The following UNC13C variants were observed in gnomAD, a reference collection of about 807,000 sequenced individuals.
The protein encoded by UNC13C is unc-13 homolog C.
In UNC13C, 174 loss-of-function variants were observed where a neutral mutation model predicts 245.4. The ratio of observed to expected loss-of-function variants is 0.71; its 90% CI spans 0.63 to 0.80. The LOEUF is 0.80. Ranked by LOEUF, UNC13C falls within the 30% of genes least tolerant of loss-of-function variation. UNC13C has a pLI of 0.00. For synonymous variants in UNC13C, 992 were observed against 895.1 expected (o/e 1.11, Z -1.93); for missense variants, 2,829 against 2,602.9 (o/e 1.09, Z -1.89).
intron 22 of UNC13C, among the ~76,000 whole-genome samples, chr15:54,504,663 C>T (rs920529696): frequency 6.6e-6 from 1 of 152,128 alleles, no homozygotes; most frequent in Non-Finnish European, 1.5e-5. Flanking sequence ...TTACATAAAT[C>T]CGTGAAGTCA....
intron 17 of UNC13C, among the ~76,000 whole-genome samples, chr15:54,366,087 T>C (rs561294504): frequency 6.6e-6 from 1 of 152,334 alleles, no homozygotes; most frequent in South Asian, 2.1e-4. Context: ...TTTTATGTCC[T>C]ATTTTTATTA....
At chr15:54,594,701 A>G (rs985109884) in intron 30 of UNC13C, among the ~76,000 whole-genome samples, 22 of 152,072 alleles carry the variant, frequency 1.4e-4, no homozygotes, top group Admixed American at 1.2e-3. Flanking sequence ...CCCCAAGTCT[A>G]TTTCTAGGCA....
chr15:54,573,034 A>AT (rs1488586670), intron 30 of UNC13C, among the ~76,000 whole-genome samples: 1 of 151,954 alleles, frequency 6.6e-6, no homozygotes, highest in Non-Finnish European at 1.5e-5. Flanking sequence ...CTTATAATCA[A>AT]TTTTTTTCAC....
At chr15:54,260,715 A>T (rs1315601930) in intron 8 of UNC13C, among the ~76,000 whole-genome samples, 1 of 148,282 alleles carries the variant, frequency 6.7e-6, no homozygotes, top group Non-Finnish European at 1.5e-5. Flanking sequence ...ATATAATCAA[A>T]ATATATATAT....
intron 4 of UNC13C, among the ~76,000 whole-genome samples, chr15:54,166,688 A>AT (rs1294579523): frequency 7.2e-5 from 11 of 152,236 alleles, no homozygotes; most frequent in East Asian, 1.9e-4. Flanking sequence ...ATCAAAATCA[A>AT]TTTTTTTATC....
At chr15:54,314,364 A>G (rs2037955276) in intron 13 of UNC13C, among the ~76,000 whole-genome samples, 1 of 151,842 alleles carries the variant, frequency 6.6e-6, no homozygotes, top group Non-Finnish European at 1.5e-5. Flanking sequence ...TAATTCAGCC[A>G]TTCCATATTG....
At chr15:54,324,137 T>A (rs2038234321) in intron 14 of UNC13C, among the ~76,000 whole-genome samples, 1 of 152,094 alleles carries the variant, frequency 6.6e-6, no homozygotes, top group South Asian at 2.1e-4. Flanking sequence ...GTTGGTGATT[T>A]GGTATATAAA....
At chr15:54,554,630 T>A (rs540670765) in intron 28 of UNC13C, among the ~76,000 whole-genome samples, 41 of 152,166 alleles carry the variant, frequency 2.7e-4, no homozygotes, top group Non-Finnish European at 4.6e-4. Flanking sequence ...CTGCGAACAG[T>A]GCTGGCACAA....
chr15:54,493,426 C>T (rs1006775344), intron 19 of UNC13C, among the ~76,000 whole-genome samples: 2 of 152,020 alleles, frequency 1.3e-5, no homozygotes, highest in Non-Finnish European at 2.9e-5. Context: ...GTCTGCTCTA[C>T]AACTTGTCTT....
chr15:53,935,983 A>G, the UNC13C span, among the ~76,000 whole-genome samples: 1 of 152,180 alleles, frequency 6.6e-6, no homozygotes, highest in African/African-American at 2.4e-5. Context: ...AGATCTGATC[A>G]TTTATTCCCC....
intron 4 of UNC13C, among the ~76,000 whole-genome samples, chr15:54,234,540 A>G (rs2035638629): frequency 6.6e-6 from 1 of 152,170 alleles, no homozygotes; most frequent in Non-Finnish European, 1.5e-5. Context: ...TATAAGGGTA[A>G]TTACCAATAT....
intron 18 of UNC13C, among the ~76,000 whole-genome samples, chr15:54,395,565 G>A (rs2140921299): frequency 6.6e-6 from 1 of 151,970 alleles, no homozygotes; most frequent in South Asian, 2.1e-4. Context: ...ATATGTGAAG[G>A]ACATGCTAAA....
chr15:53,950,739 C>T, the UNC13C span, among the ~76,000 whole-genome samples: 1 of 152,102 alleles, frequency 6.6e-6, no homozygotes, highest in Non-Finnish European at 1.5e-5. Flanking sequence ...CAGAAATAGC[C>T]AGGGGTTATG....
chr15:54,230,702 A>G (rs1198301316), intron 4 of UNC13C, among the ~76,000 whole-genome samples: 1 of 152,092 alleles, frequency 6.6e-6, no homozygotes, highest in Non-Finnish European at 1.5e-5. Context: ...GAGAAACAAA[A>G]GAAAACCACT....
chr15:54,188,528 A>G lies in UNC13C; in HGVS notation c.3071+44844A>G, dbSNP rs1173165397. On this transcript the variant is annotated intron_variant, in intron 4 of 32. Transcript: ENST00000260323. ...TTCATTAGCGAAGTGGGACGCTGCT[A>G]AACAGTTTTCAAATATTACCTTATT... Among the ~76,000 whole-genome samples, 73 of 152,190 alleles carry G rather than the reference A, an allele frequency of 4.8e-4. 1 individual carries two copies. The highest frequency in any genetic ancestry group is 1.5e-5 in the Non-Finnish European group (1 of 68,036).
chr15:53,962,450 ATTATT>A, the UNC13C span, among the ~76,000 whole-genome samples: 1 of 152,140 alleles, frequency 6.6e-6, no homozygotes. Flanking sequence ...ATTATTTGAA[ATTATT>A]TTATTTTCAT....
chr15:54,347,077 A>G (rs1363755148), intron 17 of UNC13C, among the ~76,000 whole-genome samples: 1 of 152,220 alleles, frequency 6.6e-6, no homozygotes, highest in Non-Finnish European at 1.5e-5. Context: ...GATAATATTA[A>G]TAGTGATTAT....
At chr15:54,396,984 C>G (rs942347564) in intron 18 of UNC13C, among the ~76,000 whole-genome samples, 2 of 150,974 alleles carry the variant, frequency 1.3e-5, no homozygotes, top group African/African-American at 2.4e-5. Context: ...CATTATCTTA[C>G]TAGTGCCTTC....
chr15:54,348,137 A>C (rs780224189), intron 17 of UNC13C, among the ~76,000 whole-genome samples: 6 of 152,212 alleles, frequency 3.9e-5, no homozygotes, highest in Non-Finnish European at 8.8e-5. Context: ...AACTGCCTAC[A>C]GCATGTACAG....
Sources: allele counts gnomAD v4.1 joint callset (sites outside exome capture counted in the v4.1 genomes callset), GRCh38; gene constraint gnomAD v4.1.1; transcripts MANE v1.5; gene names NCBI Gene and HGNC (gene_info 2026-07-23, HGNC 2026-07-21).